Variants in CPQ observed in about 807,000 individuals in gnomAD.
The protein encoded by CPQ is Ser-Met dipeptidase.
CPQ carries 37 observed loss-of-function variants against 45.7 expected under a neutral mutation model. The observed-to-expected ratio is 0.81, with a 90% CI of 0.62 to 1.07. The LOEUF is 1.07. Ranked by LOEUF, CPQ falls within the 50% of genes least tolerant of loss-of-function variation. The probability of loss-of-function intolerance (pLI) is 0.00; values close to 1 mark genes in which losing one functional copy is unlikely to be tolerated. For synonymous variants in CPQ, 186 were observed against 205.8 expected (o/e 0.90, Z 0.82); for missense variants, 537 against 572.9 (o/e 0.94, Z 0.64).
At chr8:96,863,158 C>T (rs1051277888) in intron 3 of CPQ, among the ~76,000 whole-genome samples, 31 of 152,022 alleles carry the variant, frequency 2.0e-4, no homozygotes, top group Middle Eastern at 3.2e-3. Context: ...TGAATAAGAA[C>T]TTAGTTTCTA....
chr8:96,648,458 T>C (rs1186919514), intron 1 of CPQ, among the ~76,000 whole-genome samples: 1 of 152,222 alleles, frequency 6.6e-6, no homozygotes. Flanking sequence ...ATTAGTTCTT[T>C]CTCTTTATTC....
At chr8:97,054,167 A>T (rs79736746) in intron 6 of CPQ, among the ~76,000 whole-genome samples, 1 of 152,196 alleles carries the variant, frequency 6.6e-6, no homozygotes, top group Non-Finnish European at 1.5e-5. Context: ...CAAACATATG[A>T]AAAAATGTTC....
chr8:96,936,967 T>G (rs1187491902), intron 4 of CPQ, among the ~76,000 whole-genome samples: 2 of 152,142 alleles, frequency 1.3e-5, no homozygotes, highest in Non-Finnish European at 2.9e-5. Context: ...CTTTCCTTCC[T>G]TCCTTCCTTC....
At chr8:97,036,823 T>C (rs925352507) in intron 6 of CPQ, among the ~76,000 whole-genome samples, 1 of 152,230 alleles carries the variant, frequency 6.6e-6, no homozygotes, top group Admixed American at 6.5e-5. Flanking sequence ...TAGATTGATA[T>C]GTCTTATTCT....
intron 5 of CPQ, among the ~76,000 whole-genome samples, chr8:97,025,529 C>G (rs995641775): frequency 1.3e-5 from 2 of 152,156 alleles, no homozygotes; most frequent in African/African-American, 2.4e-5. Context: ...AGCTAAGACT[C>G]GGCATGGTCC....
chr8:97,071,686 T>C (rs1810746609), intron 7 of CPQ, among the ~76,000 whole-genome samples: 1 of 152,214 alleles, frequency 6.6e-6, no homozygotes. Context: ...AGAATGAACT[T>C]TCTAAAGTGA....
intron 1 of CPQ, among the ~76,000 whole-genome samples, chr8:96,688,426 T>C (rs1029566432): frequency 6.6e-6 from 1 of 152,200 alleles, no homozygotes; most frequent in African/African-American, 2.4e-5. Context: ...TTAGGCCATG[T>C]GTAGTTGTAG....
intron 5 of CPQ, among the ~76,000 whole-genome samples, chr8:97,019,483 C>T (rs1462175330): frequency 5.3e-5 from 8 of 152,176 alleles, no homozygotes; most frequent in African/African-American, 1.9e-4. Flanking sequence ...TTCAGAGACA[C>T]ACCTAACACT....
intron 7 of CPQ, among the ~76,000 whole-genome samples, chr8:97,135,981 C>T (rs1439916635): frequency 6.6e-6 from 1 of 152,164 alleles, no homozygotes; most frequent in African/African-American, 2.4e-5. Context: ...TGTGCCCACC[C>T]ATCTCTTCAG....
At chr8:96,757,312 C>A in intron 1 of CPQ, among the ~76,000 whole-genome samples, 1 of 150,864 alleles carries the variant, frequency 6.6e-6, no homozygotes, top group African/African-American at 2.4e-5. Flanking sequence ...GATCACGCCA[C>A]TGTACTCCAG....
At chr8:97,045,146 C>T (rs564985547) in intron 6 of CPQ, among the ~76,000 whole-genome samples, 40 of 152,340 alleles carry the variant, frequency 2.6e-4, no homozygotes, top group African/African-American at 7.5e-4. Flanking sequence ...CCACCCAGTT[C>T]GAGCTTCCCG....
chr8:96,915,070 A>T (rs1420398762), intron 4 of CPQ, among the ~76,000 whole-genome samples: 3 of 152,196 alleles, frequency 2.0e-5, no homozygotes, highest in Non-Finnish European at 2.9e-5. Context: ...CCTGCCTCAC[A>T]TGACTGGAAA....
intron 1 of CPQ, among the ~76,000 whole-genome samples, chr8:96,699,241 CAT>C (rs1441389634): frequency 6.6e-6 from 1 of 152,074 alleles, no homozygotes; most frequent in African/African-American, 2.4e-5. Flanking sequence ...GAAAGACAAA[CAT>C]CACATATTTC....
chr8:97,111,712 C>T (rs1469326231), intron 7 of CPQ, among the ~76,000 whole-genome samples: 5 of 152,214 alleles, frequency 3.3e-5, no homozygotes, highest in Non-Finnish European at 7.3e-5. Flanking sequence ...CACAGAGTAA[C>T]ATGGCCCTGC....
rs574734537 is a variant in CPQ at position 97,124,812 on chromosome 8, T to C, written c.1256-18208T>C. On this transcript the variant is annotated intron_variant, in intron 7 of 7. Transcript: ENST00000220763. ...TGGAAATGTGTAGGTTAAATGCTTA[T>C]GTTAGAAAAGAAGAAAGTTCTAAAA... Among the ~76,000 whole-genome samples, 86 of 152,300 alleles carry C rather than the reference T, an allele frequency of 5.6e-4. No homozygotes were observed. In the South Asian group the frequency reaches 6.8e-3, roughly 12 times the overall value.
intron 5 of CPQ, among the ~76,000 whole-genome samples, chr8:96,966,485 C>G (rs1179297227): frequency 1.3e-5 from 2 of 152,190 alleles, no homozygotes; most frequent in Non-Finnish European, 2.9e-5. Context: ...AGAATGATTT[C>G]CATAGCCACA....
intron 1 of CPQ, among the ~76,000 whole-genome samples, chr8:96,680,265 T>C (rs1809131761): frequency 6.6e-6 from 1 of 152,190 alleles, no homozygotes; most frequent in South Asian, 2.1e-4. Flanking sequence ...TTTTAGTTCA[T>C]TGTTGAAATT....
chr8:96,770,136 G>A (rs1037307282), intron 1 of CPQ, among the ~76,000 whole-genome samples: 2 of 152,156 alleles, frequency 1.3e-5, no homozygotes, highest in African/African-American at 4.8e-5. Context: ...AGCCCGTGTT[G>A]CTGGGATGAG....
intron 5 of CPQ, among the ~76,000 whole-genome samples, chr8:96,967,859 G>C (rs1052567995): frequency 2.0e-5 from 3 of 152,128 alleles, no homozygotes; most frequent in African/African-American, 7.2e-5. Context: ...TTGCCTCTCT[G>C]TGCCTCAATT....
Sources: gnomAD v4.1 joint callset for allele counts (sites outside exome capture counted in the v4.1 genomes callset) on GRCh38, gnomAD v4.1.1 for gene constraint, MANE v1.5 for transcripts, NCBI Gene and HGNC (gene_info 2026-07-23, HGNC 2026-07-21) for gene names.